VAV3: variants seen among roughly 807,000 people sequenced by gnomAD.
VAV3 encodes guanine nucleotide exchange factor VAV3.
In VAV3, 94 loss-of-function variants were observed where a neutral mutation model predicts 131.2. That is an observed-to-expected ratio of 0.72 (90% CI 0.61 to 0.85). The LOEUF is 0.85. VAV3 is among the 40% of genes least tolerant of loss of function. The pLI is 0.00. For synonymous variants in VAV3, 349 were observed against 342.0 expected (o/e 1.02, Z -0.22); for missense variants, 939 against 1,002.7 (o/e 0.94, Z 0.86).
At chr1:107,773,628 T>C (rs1304249690) in intron 4 of VAV3, among the ~76,000 whole-genome samples, 1 of 151,866 alleles carries the variant, frequency 6.6e-6, no homozygotes, top group Non-Finnish European at 1.5e-5. Flanking sequence ...ACACTGAGAA[T>C]AAGGGAGGGA....
In VAV3 at chr1:107,895,674, C is replaced by G. The variant is rs561421461; in HGVS notation, c.205-20657G>C. ...AGGAAAGAAAAACTGGTATTATTGG[C>G]CACGTCACTGATTTCTGTACACTTG... On this transcript the variant is annotated intron_variant, in intron 1 of 26. Coordinates refer to ENST00000370056, the MANE Select transcript of VAV3 (RefSeq NM_006113.5). 3.9e-5 allele frequency among the ~76,000 whole-genome samples: 6 copies of G among 152,258 alleles called. No homozygotes were observed. The South Asian group carries it at 1.2e-3, about 32-fold the overall frequency.
At position 107,940,017 on chromosome 1, in the gene VAV3, C is replaced by A. The variant is rs199698076; in HGVS notation, c.204+24649G>T. On this transcript the variant is annotated intron_variant, in intron 1 of 26. Transcript: ENST00000370056. ...GGTTGCAATAAGAGGCCAAGCAAGA[C>A]GATTTTGAAGTGATGGAGGAAAGAT... is the stretch of plus-strand genomic sequence containing the variant. Among the ~76,000 whole-genome samples, 8 of 152,084 alleles carry A rather than the reference C, an allele frequency of 5.3e-5. No homozygotes were observed. The East Asian group carries it at 1.5e-3, about 29-fold the overall frequency.
chr1:107,931,018 C>T (rs2101204602), intron 1 of VAV3, among the ~76,000 whole-genome samples: 1 of 152,246 alleles, frequency 6.6e-6, no homozygotes, highest in South Asian at 2.1e-4. Context: ...GACCAGGTTT[C>T]CTGATCTCGT....
At chr1:107,831,890 A>G (rs1251360698) in intron 2 of VAV3, among the ~76,000 whole-genome samples, 1 of 152,254 alleles carries the variant, frequency 6.6e-6, no homozygotes, top group Non-Finnish European at 1.5e-5. Flanking sequence ...TTAGGTATGT[A>G]AAATTGCACC....
At chr1:107,770,084 C>A (rs374514476) in intron 6 of VAV3, among the ~76,000 whole-genome samples, 1 of 152,152 alleles carries the variant, frequency 6.6e-6, no homozygotes, top group African/African-American at 2.4e-5. Flanking sequence ...CAGTCCCCTT[C>A]CCTCATTCTG....
chr1:107,769,954 G>A (rs1402522241), intron 6 of VAV3, among the ~76,000 whole-genome samples: 1 of 151,998 alleles, frequency 6.6e-6, no homozygotes, highest in Non-Finnish European at 1.5e-5. Flanking sequence ...TACCACTCTT[G>A]CCTCAGAAGA....
chr1:107,606,857 T>C (rs1652312082), intron 22 of VAV3, among the ~76,000 whole-genome samples: 1 of 149,232 alleles, frequency 6.7e-6, no homozygotes, highest in Non-Finnish European at 1.5e-5. Context: ...AAATGTATGG[T>C]TACTCTTTGT....
intron 19 of VAV3, among the ~76,000 whole-genome samples, chr1:107,665,478 A>G (rs1657346735): frequency 6.6e-6 from 1 of 152,166 alleles, no homozygotes; most frequent in South Asian, 2.1e-4. Flanking sequence ...AGCACTGCTA[A>G]ACACTTTTGT....
chr1:107,712,253 A>G (rs1472977036), intron 15 of VAV3, among the ~76,000 whole-genome samples: 1 of 152,214 alleles, frequency 6.6e-6, no homozygotes, highest in Admixed American at 6.5e-5. Flanking sequence ...ATTAGTGTAG[A>G]GCAAGCTTGT....
At chr1:107,889,155 G>GTGTGTA (rs1671193767) in intron 1 of VAV3, among the ~76,000 whole-genome samples, 1 of 151,524 alleles carries the variant, frequency 6.6e-6, no homozygotes, top group Admixed American at 6.6e-5. Flanking sequence ...GTGTGTGTGT[G>GTGTGTA]TGTGTGTGTG....
In VAV3 at chr1:107,642,602, TCC is replaced by T. The variant is rs755013279; in HGVS notation, c.1914+15_1914+16del. On this transcript the variant is annotated intron_variant, in intron 20 of 26. Coordinates refer to ENST00000370056, the MANE Select transcript of VAV3 (RefSeq NM_006113.5). ...CTTGGGGTCTGCATCAGGACCCCTT[TCC>T]TGCAACAACAGTACCTGCCAAAACA... 1.1e-5 allele frequency: 18 copies of T among 1,611,056 alleles called. No homozygotes were observed. The Admixed American group carries it at 3.0e-4, about 27-fold the overall frequency.
chr1:107,656,844 A>G (rs1656600319), intron 19 of VAV3, among the ~76,000 whole-genome samples: 2 of 152,126 alleles, frequency 1.3e-5, no homozygotes, highest in African/African-American at 2.4e-5. Context: ...GTAGAAAAAG[A>G]GTAAACATTA....
chr1:107,641,938 TAATA>T (rs1655372753), intron 20 of VAV3, among the ~76,000 whole-genome samples: 1 of 152,188 alleles, frequency 6.6e-6, no homozygotes, highest in African/African-American at 2.4e-5. Context: ...TAAAAAAGGT[TAATA>T]AAAAATATTT....
Position 107,659,582 on chromosome 1 carries a change from A to G in VAV3, c.1778-16827T>C, listed in dbSNP as rs577611059. Among the ~76,000 whole-genome samples the G allele has an allele frequency of 2.0e-4, 31 of 152,320 alleles. No homozygotes were observed. The South Asian group carries it at 5.0e-3, about 24-fold the overall frequency. ...TTTATTTTTATTTAACTATATATGT[A>G]GATAAACATAAAAATATTTTGTATT... On this transcript the variant is annotated intron_variant, in intron 19 of 26. Transcript: ENST00000370056.
chr1:107,678,305 T>C (rs1658356320), intron 19 of VAV3, among the ~76,000 whole-genome samples: 1 of 152,218 alleles, frequency 6.6e-6, no homozygotes, highest in Non-Finnish European at 1.5e-5. Flanking sequence ...GATTAAGATT[T>C]ATATTTGATG....
intron 19 of VAV3, among the ~76,000 whole-genome samples, chr1:107,648,515 G>A (rs1406991710): frequency 1.3e-5 from 2 of 151,968 alleles, no homozygotes; most frequent in Non-Finnish European, 2.9e-5. Flanking sequence ...CAAAGCTTCA[G>A]GAGAAAATGC....
chr1:107,770,694 A>T lies in VAV3; in HGVS notation c.590T>A (p.Leu197Gln). Reference sequence around the variant, plus strand: ...TTCTTCTGTCTGCTTAATTTCTGCTAGACAACAACTTCGTATATCATTTTC... The same window carrying T: ...TTCTTCTGTCTGCTTAATTTCTGCTTGACAACAACTTCGTATATCATTTTC... ...CPENDIRSCC[L>Q]AEIKQTEEKY... Residue 197 changes from leucine to glutamine, a missense_variant, in exon 6 of 27, where the codon CTA (leucine) becomes CAA (glutamine). Coordinates refer to ENST00000370056, the MANE Select transcript of VAV3 (RefSeq NM_006113.5). 1 of 1,612,260 alleles carries T rather than the reference A, an allele frequency of 6.2e-7. No individual in the cohort carries two copies. Among genetic ancestry groups the T allele is most frequent in the Non-Finnish European group, 8.5e-7 (1 of 1,179,220 alleles).
At chr1:107,875,902 T>C (rs1670471783) in intron 1 of VAV3, among the ~76,000 whole-genome samples, 1 of 152,056 alleles carries the variant, frequency 6.6e-6, no homozygotes, top group Admixed American at 6.6e-5. Flanking sequence ...ATCCAATAAG[T>C]GTGGAGTCCA....
chr1:107,699,722 C>T (rs1200514117), intron 17 of VAV3, among the ~76,000 whole-genome samples: 2 of 151,994 alleles, frequency 1.3e-5, no homozygotes, highest in East Asian at 3.9e-4. Context: ...TCCCAAAGCT[C>T]GATTCTTTCT....
Sources: gnomAD v4.1 joint callset for allele counts (sites outside exome capture counted in the v4.1 genomes callset) on GRCh38, gnomAD v4.1.1 for gene constraint, MANE v1.5 for transcripts, NCBI Gene and HGNC (gene_info 2026-07-23, HGNC 2026-07-21) for gene names.